The following DLGAP2 variants were observed in gnomAD, a reference collection of about 807,000 sequenced individuals.
The protein encoded by DLGAP2 is disks large-associated protein 2.
Under a neutral mutation model 100.3 loss-of-function variants are expected in DLGAP2, and 26 were observed. The ratio of observed to expected loss-of-function variants is 0.26; its 90% confidence interval spans 0.19 to 0.36. The LOEUF (loss-of-function observed/expected upper bound fraction) is 0.36. DLGAP2 is among the 10% of genes least tolerant of loss of function. The pLI is 1.00. For synonymous variants in DLGAP2, 886 were observed against 630.1 expected (o/e 1.41, Z -6.08); for missense variants, 1,858 against 1,453.2 (o/e 1.28, Z -4.53).
chr8:1,225,551 C>G (rs1025003923), intron 2 of DLGAP2, among the ~76,000 whole-genome samples: 15 of 152,254 alleles, frequency 9.9e-5, no homozygotes, highest in African/African-American at 3.6e-4. Flanking sequence ...TACATGGATC[C>G]CGTCAAAATG....
At chr8:841,754 G>C (rs1001556601) in intron 1 of DLGAP2, among the ~76,000 whole-genome samples, 2 of 152,146 alleles carry the variant, frequency 1.3e-5, no homozygotes, top group African/African-American at 2.4e-5. Context: ...CAGCAGGTGA[G>C]TTTTTGAAGA....
At chr8:811,552 G>A (rs1007130625) in intron 1 of DLGAP2, among the ~76,000 whole-genome samples, 20 of 149,852 alleles carry the variant, frequency 1.3e-4, no homozygotes, top group African/African-American at 4.9e-4. Flanking sequence ...CTTGGAATGA[G>A]CAGGAACTAT....
At chr8:871,426 G>A (rs1030984895) in intron 1 of DLGAP2, among the ~76,000 whole-genome samples, 1 of 152,196 alleles carries the variant, frequency 6.6e-6, no homozygotes, top group Non-Finnish European at 1.5e-5. Flanking sequence ...CTGCTTCTGA[G>A]TCCACCGTTG....
chr8:1,322,387 A>G (rs1447496349), intron 3 of DLGAP2, among the ~76,000 whole-genome samples: 5 of 152,268 alleles, frequency 3.3e-5, no homozygotes, highest in Admixed American at 6.5e-5. Flanking sequence ...AGAAATGTCC[A>G]TGGAAATGCA....
At chr8:1,293,023 G>A (rs367691075) in intron 3 of DLGAP2, among the ~76,000 whole-genome samples, 1 of 152,140 alleles carries the variant, frequency 6.6e-6, no homozygotes, top group Non-Finnish European at 1.5e-5. Context: ...TAAGACAGGT[G>A]CTTATCCAGG....
At chr8:1,492,572 C>T (rs539043411) in intron 3 of DLGAP2, among the ~76,000 whole-genome samples, 21 of 152,358 alleles carry the variant, frequency 1.4e-4, no homozygotes, top group Non-Finnish European at 2.5e-4. Flanking sequence ...CAAACATTGT[C>T]ACTGCGCCTG....
At chr8:1,042,816 ATGTGGGTGGTGGGTGTGGGTGGTGGG>A (rs1802395952) in intron 2 of DLGAP2, among the ~76,000 whole-genome samples, 1 of 15,570 alleles carries the variant, frequency 6.4e-5, no homozygotes, top group Non-Finnish European at 1.3e-4. Flanking sequence ...TGGGTGGTGG[ATGTGGGTGGTGGGTGTGGGTGGTGGG>A]TGTGGGTGGT....
intron 2 of DLGAP2, among the ~76,000 whole-genome samples, chr8:1,009,884 G>A (rs1801226357): frequency 6.6e-6 from 1 of 152,170 alleles, no homozygotes; most frequent in South Asian, 2.1e-4. Flanking sequence ...ATACCTCATA[G>A]GAGATTGTGT....
In DLGAP2 at chr8:1,347,159, G is replaced by A. The variant is rs145527744; in HGVS notation, c.106+88276G>A. ...CTCATGGCGGCTGTGTGGAGGTTGCGTTCCTGTACAGAGCTGCATTGCTCT... is the reference window on the plus strand; with the variant it reads ...CTCATGGCGGCTGTGTGGAGGTTGCATTCCTGTACAGAGCTGCATTGCTCT... On this transcript the variant is annotated intron_variant, in intron 3 of 14. Coordinates refer to ENST00000637795, the MANE Select transcript of DLGAP2 (RefSeq NM_001346810.2). Among the ~76,000 whole-genome samples, 240 of 151,906 alleles carry A rather than the reference G, an allele frequency of 1.6e-3. 2 individuals are homozygous for A. The highest frequency in any genetic ancestry group is 5.2e-3 in the African/African-American group (216 of 41,426).
At chr8:1,140,908 G>T (rs368437288) in intron 2 of DLGAP2, among the ~76,000 whole-genome samples, 1 of 152,170 alleles carries the variant, frequency 6.6e-6, no homozygotes, top group Non-Finnish European at 1.5e-5. Flanking sequence ...CGCTTGAACC[G>T]GGGGGTGGAG....
chr8:798,030 G>C (rs567917495), intron 1 of DLGAP2, among the ~76,000 whole-genome samples: 4 of 152,208 alleles, frequency 2.6e-5, no homozygotes, highest in African/African-American at 7.2e-5. Context: ...GATTACAGGC[G>C]TGAGCCACCA....
intron 3 of DLGAP2, among the ~76,000 whole-genome samples, chr8:1,333,015 C>T (rs752979912): frequency 1.3e-5 from 2 of 152,108 alleles, no homozygotes; most frequent in Non-Finnish European, 2.9e-5. Context: ...TGTGGAGCAT[C>T]AGGGCAGGGG....
At chr8:1,167,516 C>T (rs1224837566) in intron 2 of DLGAP2, among the ~76,000 whole-genome samples, 1 of 152,180 alleles carries the variant, frequency 6.6e-6, no homozygotes, top group African/African-American at 2.4e-5. Context: ...TTCAGTGTTG[C>T]AGACCCAGGG....
intron 1 of DLGAP2, among the ~76,000 whole-genome samples, chr8:783,011 G>A (rs1821740520): frequency 6.6e-6 from 1 of 152,168 alleles, no homozygotes; most frequent in African/African-American, 2.4e-5. Flanking sequence ...ATTAACCAGT[G>A]ACCGCATGAC....
intron 2 of DLGAP2, among the ~76,000 whole-genome samples, chr8:962,444 T>C (rs62486424): frequency 0.029 from 4,393 of 151,728 alleles, 74 homozygotes; most frequent in Middle Eastern, 0.065. Flanking sequence ...TGTCCAGGAG[T>C]TGCTGACCCG....
chr8:988,576 G>T (rs7012507), intron 2 of DLGAP2, among the ~76,000 whole-genome samples: 1,990 of 152,250 alleles, frequency 0.013, 49 homozygotes, highest in African/African-American at 0.045. Context: ...GTCCCTGGGG[G>T]TGTCTGGCCT....
chr8:985,199 C>G (rs1384585959), intron 2 of DLGAP2, among the ~76,000 whole-genome samples: 1 of 152,184 alleles, frequency 6.6e-6, no homozygotes, highest in Non-Finnish European at 1.5e-5. Context: ...AAAGAGAAAT[C>G]AGTGGAAATG....
intron 8 of DLGAP2, among the ~76,000 whole-genome samples, chr8:1,660,445 G>A (rs1013654561): frequency 6.6e-6 from 1 of 152,192 alleles, no homozygotes; most frequent in Admixed American, 6.5e-5. Flanking sequence ...AAGTGAGAAT[G>A]ACAAAAGCTA....
At chr8:1,585,234 G>C (rs186352736) in intron 6 of DLGAP2, among the ~76,000 whole-genome samples, 1 of 152,038 alleles carries the variant, frequency 6.6e-6, no homozygotes, top group African/African-American at 2.4e-5. Flanking sequence ...AGGCGGAGGC[G>C]GGCAGATCAC....
Sources: allele counts gnomAD v4.1 joint callset (sites outside exome capture counted in the v4.1 genomes callset), GRCh38; gene constraint gnomAD v4.1.1; transcripts MANE v1.5; gene names NCBI Gene and HGNC (gene_info 2026-07-23, HGNC 2026-07-21).